Variants in SGMS1 observed in about 807,000 individuals in gnomAD.
The protein encoded by SGMS1 is sphingomyelin synthase 1.
In SGMS1, 13 loss-of-function variants were observed where a neutral mutation model predicts 46.2. That is an observed-to-expected ratio of 0.28 (90% CI 0.18 to 0.45). SGMS1 has a LOEUF of 0.45. Ranked by LOEUF, SGMS1 falls within the 20% of genes least tolerant of loss-of-function variation. The pLI is 1.00. For missense variants in SGMS1, 324 were observed against 519.9 expected (o/e 0.62, Z 3.66); for synonymous variants, 203 against 187.8 (o/e 1.08, Z -0.66).
At chr10:50,545,884 C>T (rs1838096899) in intron 2 of SGMS1, among the ~76,000 whole-genome samples, 1 of 152,176 alleles carries the variant, frequency 6.6e-6, no homozygotes, top group African/African-American at 2.4e-5. Flanking sequence ...ATATCAGCCT[C>T]ATAGGTCATA....
chr10:50,388,407 A>T (rs1331153432), intron 6 of SGMS1, among the ~76,000 whole-genome samples: 2 of 151,514 alleles, frequency 1.3e-5, no homozygotes, highest in Non-Finnish European at 2.9e-5. Flanking sequence ...GAAGAAGTGG[A>T]CAGATCACTT....
At chr10:50,436,071 T>C (rs1324003680) in intron 5 of SGMS1, among the ~76,000 whole-genome samples, 1 of 152,256 alleles carries the variant, frequency 6.6e-6, no homozygotes, top group African/African-American at 2.4e-5. Context: ...TTAGCACCAC[T>C]GTGGTTATTC....
intron 6 of SGMS1, among the ~76,000 whole-genome samples, chr10:50,373,938 T>C (rs2688879): frequency 0.3 from 46,116 of 152,128 alleles, 7,791 homozygotes; most frequent in South Asian, 0.41. Flanking sequence ...GTACACATTA[T>C]ATAGACATCC....
intron 1 of SGMS1, among the ~76,000 whole-genome samples, chr10:50,594,723 G>C (rs1838574358): frequency 6.6e-6 from 1 of 152,126 alleles, no homozygotes; most frequent in Non-Finnish European, 1.5e-5. Context: ...TTATCAGCAT[G>C]AAATACAAAT....
chr10:50,375,699 C>T (rs2117958), intron 6 of SGMS1, among the ~76,000 whole-genome samples: 8 of 152,144 alleles, frequency 5.3e-5, no homozygotes, highest in Admixed American at 2.6e-4. Flanking sequence ...CGTGAAAGAT[C>T]GGAAGTAGTA....
At chr10:50,326,989 C>T (rs1369331895) in intron 8 of SGMS1, among the ~76,000 whole-genome samples, 2 of 73,654 alleles carry the variant, frequency 2.7e-5, no homozygotes, top group East Asian at 1.0e-3. Context: ...AGCTTAACTG[C>T]TTCCAACACA....
intron 1 of SGMS1, among the ~76,000 whole-genome samples, chr10:50,618,098 A>G (rs111491443): frequency 0.012 from 1,757 of 152,300 alleles, 35 homozygotes; most frequent in African/African-American, 0.04. Context: ...GTGGCTCCAC[A>G]AAACTATATG....
At chr10:50,489,834 C>T (rs1394986085) in intron 3 of SGMS1, among the ~76,000 whole-genome samples, 2 of 152,022 alleles carry the variant, frequency 1.3e-5, no homozygotes, top group Admixed American at 6.6e-5. Context: ...ATTAGCTGGG[C>T]GTGGTGGCAG....
At position 50,403,808 on chromosome 10, in the gene SGMS1, C is replaced by A. The variant is rs570320677; in HGVS notation, c.-232+29668G>T. Among the ~76,000 whole-genome samples, 25 of 150,702 alleles carry A rather than the reference C, an allele frequency of 1.7e-4. No homozygotes were observed. The South Asian group carries it at 3.2e-3, about 19-fold the overall frequency. The stretch of plus-strand genomic sequence containing the variant: ...GTACAGGGTCTCCACAGGTATGGGA[C>A]ATGGTAGTGTCAGGTGGGATAACCT... On this transcript the variant is annotated intron_variant, in intron 6 of 10. Transcript: ENST00000361781.
intron 3 of SGMS1, among the ~76,000 whole-genome samples, chr10:50,469,081 T>C (rs1837356376): frequency 1.3e-5 from 2 of 152,230 alleles, no homozygotes; most frequent in South Asian, 4.1e-4. Context: ...GTTGCAAATT[T>C]GTCCAAGGTC....
At chr10:50,368,113 G>C (rs770597980) in intron 6 of SGMS1, among the ~76,000 whole-genome samples, 1 of 152,176 alleles carries the variant, frequency 6.6e-6, no homozygotes, top group Non-Finnish European at 1.5e-5. Flanking sequence ...CAACTGATGT[G>C]CTCTCCTCTA....
intron 7 of SGMS1, among the ~76,000 whole-genome samples, chr10:50,340,855 A>T (rs558726722): frequency 6.6e-6 from 1 of 152,326 alleles, no homozygotes; most frequent in African/African-American, 2.4e-5. Context: ...CCATCCCATG[A>T]TTCTTCTCTA....
chr10:50,463,805 C>A (rs1837296616), intron 4 of SGMS1, among the ~76,000 whole-genome samples: 1 of 152,116 alleles, frequency 6.6e-6, no homozygotes, highest in Non-Finnish European at 1.5e-5. Flanking sequence ...ATAAAGAAAA[C>A]ATGGTATATA....
intron 3 of SGMS1, among the ~76,000 whole-genome samples, chr10:50,469,823 G>A (rs1837363091): frequency 6.6e-6 from 1 of 152,152 alleles, no homozygotes; most frequent in Non-Finnish European, 1.5e-5. Context: ...AGGGTAAAAA[G>A]GAATGGGCAT....
At chr10:50,358,515 C>T (rs1382431103) in intron 6 of SGMS1, among the ~76,000 whole-genome samples, 1 of 152,070 alleles carries the variant, frequency 6.6e-6, no homozygotes, top group African/African-American at 2.4e-5. Flanking sequence ...CTGGGCAAAA[C>T]CTGTGTCTAC....
chr10:50,520,722 T>C (rs1588862739), intron 2 of SGMS1, among the ~76,000 whole-genome samples: 1 of 152,190 alleles, frequency 6.6e-6, no homozygotes, highest in Admixed American at 6.5e-5. Context: ...CCAACAGAGA[T>C]AGAATGGCTT....
chr10:50,405,399 A>C (rs1848998734), intron 6 of SGMS1, among the ~76,000 whole-genome samples: 1 of 152,232 alleles, frequency 6.6e-6, no homozygotes, highest in African/African-American at 2.4e-5. Flanking sequence ...ATGGAGATAG[A>C]TCGAGTATCA....
intron 2 of SGMS1, among the ~76,000 whole-genome samples, chr10:50,564,390 A>G (rs1838270206): frequency 1.3e-5 from 2 of 152,172 alleles, no homozygotes; most frequent in African/African-American, 4.8e-5. Context: ...AAACTGCGCG[A>G]CATTGTTTAA....
At chr10:50,316,523 G>A (rs1031934516) in intron 8 of SGMS1, among the ~76,000 whole-genome samples, 2 of 152,100 alleles carry the variant, frequency 1.3e-5, no homozygotes, top group Admixed American at 1.3e-4. Context: ...ACATACAAAG[G>A]AACTTTTCCT....
Sources: allele counts gnomAD v4.1 joint callset (sites outside exome capture counted in the v4.1 genomes callset), GRCh38; gene constraint gnomAD v4.1.1; transcripts MANE v1.5; gene names NCBI Gene and HGNC (gene_info 2026-07-23, HGNC 2026-07-21).